The following ANTXR1 variants were observed in gnomAD, a reference collection of about 807,000 sequenced individuals.
ANTXR1 encodes ANTXR cell adhesion molecule 1.
ANTXR1 carries 19 observed loss-of-function variants against 78.1 expected under a neutral mutation model. The observed-to-expected ratio is 0.24, with a 90% CI of 0.17 to 0.36. ANTXR1 has a LOEUF of 0.36. ANTXR1 is among the 10% of genes least tolerant of loss of function. The pLI is 1.00. For synonymous variants in ANTXR1, 273 were observed against 260.5 expected (o/e 1.05, Z -0.46); for missense variants, 518 against 718.6 (o/e 0.72, Z 3.19).
chr2:69,199,824 C>T (rs1015175747), intron 17 of ANTXR1, among the ~76,000 whole-genome samples: 22 of 152,058 alleles, frequency 1.4e-4, no homozygotes, highest in African/African-American at 5.3e-4. Flanking sequence ...TCTTCTCTTT[C>T]CTTTTTGAAA....
intron 17 of ANTXR1, among the ~76,000 whole-genome samples, chr2:69,226,922 G>A (rs1345248508): frequency 2.0e-5 from 3 of 151,962 alleles, no homozygotes; most frequent in African/African-American, 2.4e-5. Context: ...TACAGAACAC[G>A]AGCTCAGCCC....
intron 14 of ANTXR1, among the ~76,000 whole-genome samples, chr2:69,177,281 A>G (rs1015420910): frequency 4.6e-5 from 7 of 152,244 alleles, no homozygotes; most frequent in Admixed American, 1.3e-4. Flanking sequence ...GGAGCCCTGC[A>G]TGTTGAAGCG....
chr2:69,016,461 A>G (rs1433666710), intron 1 of ANTXR1, among the ~76,000 whole-genome samples: 1 of 152,110 alleles, frequency 6.6e-6, no homozygotes, highest in Non-Finnish European at 1.5e-5. Context: ...TTTATAATAA[A>G]AAGCTGAGGA....
chr2:69,212,393 T>C (rs1675064043), intron 17 of ANTXR1, among the ~76,000 whole-genome samples: 1 of 152,134 alleles, frequency 6.6e-6, no homozygotes, highest in Non-Finnish European at 1.5e-5. Context: ...AGGTTCTGCG[T>C]ATATGACCAT....
intron 17 of ANTXR1, among the ~76,000 whole-genome samples, chr2:69,216,605 C>G (rs1675184942): frequency 6.6e-6 from 1 of 152,160 alleles, no homozygotes; most frequent in South Asian, 2.1e-4. Flanking sequence ...CAGTCATCCT[C>G]ACCCATCACC....
intron 17 of ANTXR1, among the ~76,000 whole-genome samples, chr2:69,230,053 G>T (rs1675551914): frequency 6.6e-6 from 1 of 152,086 alleles, no homozygotes; most frequent in African/African-American, 2.4e-5. Context: ...GGGTATCTCT[G>T]CATAATTCTT....
intron 17 of ANTXR1, among the ~76,000 whole-genome samples, chr2:69,242,511 T>C (rs766217485): frequency 1.1e-4 from 17 of 152,202 alleles, no homozygotes; most frequent in Non-Finnish European, 2.4e-4. Flanking sequence ...AATAAGTACA[T>C]GAGCTTCCGG....
intron 12 of ANTXR1, among the ~76,000 whole-genome samples, chr2:69,138,575 C>T (rs1408727121): frequency 6.6e-6 from 1 of 152,162 alleles, no homozygotes; most frequent in Non-Finnish European, 1.5e-5. Flanking sequence ...ATCTTCTCAC[C>T]TATACATTAA....
intron 1 of ANTXR1, among the ~76,000 whole-genome samples, chr2:69,024,942 A>T (rs1671298728): frequency 1.3e-5 from 2 of 152,134 alleles, no homozygotes; most frequent in African/African-American, 4.8e-5. Flanking sequence ...ACATTTCCGA[A>T]GCTCTTTCAG....
intron 17 of ANTXR1, among the ~76,000 whole-genome samples, chr2:69,220,226 T>G (rs1297020140): frequency 6.6e-6 from 1 of 152,224 alleles, no homozygotes; most frequent in Non-Finnish European, 1.5e-5. Context: ...TTCCTCTTTG[T>G]GGCTCAGATT....
chr2:69,056,167 A>G (rs1404948402), intron 3 of ANTXR1, among the ~76,000 whole-genome samples: 1 of 152,214 alleles, frequency 6.6e-6, no homozygotes, highest in Non-Finnish European at 1.5e-5. Context: ...GAAGTAGTCA[A>G]CAGAACCAAA....
chr2:69,199,444 C>CACCTATTG (rs1422268358), intron 17 of ANTXR1, among the ~76,000 whole-genome samples: 2 of 152,190 alleles, frequency 1.3e-5, no homozygotes, highest in Admixed American at 6.5e-5. Flanking sequence ...CTCCATAGAG[C>CACCTATTG]ACCTATTGAC....
intron 17 of ANTXR1, among the ~76,000 whole-genome samples, chr2:69,227,174 A>G (rs1475835468): frequency 6.6e-6 from 1 of 152,144 alleles, no homozygotes; most frequent in African/African-American, 2.4e-5. Context: ...TGAGTGCTGT[A>G]AATTTTCTGT....
At chr2:69,094,398 T>C (rs188606301) in intron 9 of ANTXR1, among the ~76,000 whole-genome samples, 2 of 152,330 alleles carry the variant, frequency 1.3e-5, no homozygotes, top group East Asian at 3.9e-4. Context: ...AATGATTAAT[T>C]AACTCAACAT....
At chr2:69,217,062 T>A (rs1026414053) in intron 17 of ANTXR1, among the ~76,000 whole-genome samples, 1 of 152,196 alleles carries the variant, frequency 6.6e-6, no homozygotes, top group African/African-American at 2.4e-5. Context: ...CATCTATGAA[T>A]CTAGTGAGAC....
intron 17 of ANTXR1, among the ~76,000 whole-genome samples, chr2:69,222,316 C>T (rs564880517): frequency 1.6e-4 from 25 of 152,194 alleles, no homozygotes; most frequent in African/African-American, 5.3e-4. Flanking sequence ...TCTAGCAGAC[C>T]GGCTCAAGAT....
intron 6 of ANTXR1, among the ~76,000 whole-genome samples, chr2:69,074,192 A>C (rs1370467353): frequency 6.6e-6 from 1 of 152,196 alleles, no homozygotes; most frequent in East Asian, 1.9e-4. Flanking sequence ...CTCTCCTCCC[A>C]CTAGTACAAA....
intron 3 of ANTXR1, among the ~76,000 whole-genome samples, chr2:69,056,819 G>A (rs1056983606): frequency 4.6e-5 from 7 of 152,060 alleles, no homozygotes; most frequent in South Asian, 2.1e-4. Context: ...GACTACAGGC[G>A]AGCAACACCA....
intron 17 of ANTXR1, among the ~76,000 whole-genome samples, chr2:69,197,408 C>T (rs981768234): frequency 1.3e-5 from 2 of 152,132 alleles, no homozygotes; most frequent in African/African-American, 2.4e-5. Flanking sequence ...CCATTTCATA[C>T]GCTACTTACC....
Sources: gnomAD v4.1 joint callset for allele counts (sites outside exome capture counted in the v4.1 genomes callset) on GRCh38, gnomAD v4.1.1 for gene constraint, MANE v1.5 for transcripts, NCBI Gene and HGNC (gene_info 2026-07-23, HGNC 2026-07-21) for gene names.